DDB1: variants seen among roughly 807,000 people sequenced by gnomAD.
DDB1 encodes damage specific DNA binding protein 1.
DDB1 carries 18 observed loss-of-function variants against 133.1 expected under a neutral mutation model. That is an observed-to-expected ratio of 0.14 (90% CI 0.09 to 0.20). DDB1 has a LOEUF of 0.20. Among genes scored for constraint, DDB1 ranks in the 10% least tolerant of loss-of-function variants. The pLI, the probability that DDB1 is intolerant of heterozygous loss-of-function variation, is 1.00. For synonymous variants in DDB1, 580 were observed against 550.5 expected (o/e 1.05, Z -0.75); for missense variants, 828 against 1,459.2 (o/e 0.57, Z 7.05).
At chr11:61,322,877 TA>T in intron 8 of DDB1, 133 bp downstream of exon 8, 1 of 746,446 alleles carries the variant, frequency 1.3e-6, no homozygotes, top group South Asian at 1.9e-5. Context: ...GATGTTAAAT[TA>T]ACCAAGTAGA....
At chr11:61,302,817 C>T in intron 23 of DDB1, 66 bp from the exon 24 acceptor site, 2 of 1,594,684 alleles carry the variant, frequency 1.3e-6, no homozygotes, top group Non-Finnish European at 1.7e-6. Context: ...GAGACAGGAC[C>T]ACGTGCAGTG....
At chr11:61,322,910 G>A (rs1266320528) in intron 8 of DDB1, 101 bp downstream of exon 8, 5 of 914,686 alleles carry the variant, frequency 5.5e-6, no homozygotes, top group Non-Finnish European at 8.3e-6. Flanking sequence ...TAGGGATGTG[G>A]ATAAAATGGA....
chr11:61,317,731 C>T (rs1016957990), intron 10 of DDB1, among the ~76,000 whole-genome samples: 7 of 152,188 alleles, frequency 4.6e-5, no homozygotes. Flanking sequence ...TGGTCTCGAT[C>T]TCCTGACCTC....
chr11:61,323,873 A>G, intron 7 of DDB1, 106 bp downstream of exon 7: 1 of 1,243,942 alleles, frequency 8.0e-7, no homozygotes, highest in Non-Finnish European at 1.2e-6. Flanking sequence ...GTTTGTTGTT[A>G]GGTGTTAAGT....
rs1855945140 is a variant in DDB1 at position 61,310,422 on chromosome 11, C to T, written c.2278-4G>A. 2.5e-6 allele frequency: 4 copies of T among 1,594,488 alleles called. No individual in the cohort carries two copies. The highest frequency in any genetic ancestry group is 2.6e-6 in the Non-Finnish European group (3 of 1,172,472). On this transcript the variant is annotated splice_region_variant and splice_polypyrimidine_tract_variant and intron_variant, in intron 18 of 26. Coordinates refer to ENST00000301764, the MANE Select transcript of DDB1 (RefSeq NM_001923.5). ...AGCTTACACTGCTGGACAGAGCCTG[C>T]AAACAGAGAGAATGCACATCATCCT...
At chr11:61,324,353 AAT>A in intron 6 of DDB1, 1 of 523,228 alleles carries the variant, frequency 1.9e-6, no homozygotes, top group Non-Finnish European at 3.4e-6. Flanking sequence ...GCGCTCCATC[AAT>A]ATATCTTATA....
At position 61,323,068 on chromosome 11, in the gene DDB1, G is replaced by A. The variant is rs201160964; in HGVS notation, c.948C>T (p.Tyr316=). 6 of 1,614,002 alleles carry A rather than the reference G, an allele frequency of 3.7e-6. No individual in the cohort carries two copies. In the East Asian group the frequency reaches 1.3e-4, roughly 36 times the overall value. ...GETSIAECLT[Y]LDNGVVFVGS... ...CGACAAACACAACACCATTATCAAG[G>A]TATGTCAAGCACTCAGCAATAGAGG... Residue 316 remains tyrosine (Y), a synonymous_variant, in exon 8 of 27, where the codon TAC becomes TAT. Transcript: ENST00000301764.
intron 10 of DDB1, among the ~76,000 whole-genome samples, chr11:61,316,941 G>GGATAGATA (rs1241889144): frequency 2.1e-4 from 4 of 19,356 alleles, no homozygotes; most frequent in Non-Finnish European, 3.0e-4. Context: ...AAAAAAAAAA[G>GGATAGATA]GATAGATATA....
chr11:61,328,877 AT>A (rs1856316623), intron 4 of DDB1, among the ~76,000 whole-genome samples: 2 of 152,162 alleles, frequency 1.3e-5, no homozygotes, highest in Non-Finnish European at 2.9e-5. Context: ...CTCAAAAAAA[AT>A]AATAAAATAA....
chr11:61,324,251 G>A (rs1856233675), intron 6 of DDB1, 114 bp from the exon 7 acceptor site: 6 of 1,118,862 alleles, frequency 5.4e-6, no homozygotes, highest in Admixed American at 2.0e-5. Context: ...CAGACAAATC[G>A]CTCAGATAAC....
intron 9 of DDB1, 176 bp downstream of exon 9, chr11:61,322,120 C>A (rs1018521926): frequency 1.5e-6 from 1 of 645,188 alleles, no homozygotes; most frequent in Admixed American, 2.4e-5. Flanking sequence ...ATATAAAGTG[C>A]CTGGCAGACC....
At chr11:61,320,665 C>T (rs1252456170) in intron 10 of DDB1, among the ~76,000 whole-genome samples, 2 of 152,146 alleles carry the variant, frequency 1.3e-5, no homozygotes, top group Non-Finnish European at 2.9e-5. Context: ...GCTAGGACTA[C>T]AGTCACACGC....
In DDB1 at chr11:61,309,983, C is replaced by T. The variant is rs368233386; in HGVS notation, c.2402-23G>A. On this transcript the variant is annotated intron_variant, in intron 19 of 26. Transcript: ENST00000301764. ...GCACTAGAGAGTAGAGAGATGACTACGTGATGACAGGTTACCCATATCTGC... is the reference window on the plus strand; with the variant it reads ...GCACTAGAGAGTAGAGAGATGACTATGTGATGACAGGTTACCCATATCTGC... The T allele has an allele frequency of 2.7e-5, 44 of 1,614,056 alleles. No homozygotes were observed. In the African/African-American group the frequency reaches 4.4e-4, roughly 16 times the overall value.
intron 2 of DDB1, among the ~76,000 whole-genome samples, chr11:61,331,085 T>C (rs1329056209): frequency 1.3e-5 from 2 of 152,180 alleles, no homozygotes; most frequent in African/African-American, 2.4e-5. Context: ...AAGTCAGAAT[T>C]AACAAGAAAT....
intron 21 of DDB1, among the ~76,000 whole-genome samples, chr11:61,305,671 C>T (rs1419083499): frequency 6.6e-6 from 1 of 152,042 alleles, no homozygotes; most frequent in Non-Finnish European, 1.5e-5. Flanking sequence ...TTCCTGCCAA[C>T]ACCTGCCACC....
At chr11:61,308,380 C>T (rs1049454806) in intron 21 of DDB1, among the ~76,000 whole-genome samples, 4 of 152,174 alleles carry the variant, frequency 2.6e-5, no homozygotes, top group Non-Finnish European at 4.4e-5. Flanking sequence ...AACAGCAAAC[C>T]CCACTTCCCA....
chr11:61,303,261 G>C (rs1855829009), intron 22 of DDB1, 106 bp from the exon 23 acceptor site: 2 of 971,230 alleles, frequency 2.1e-6, no homozygotes, highest in South Asian at 1.4e-5. Flanking sequence ...CCACCCTGCA[G>C]AAGATATAGC....
intron 10 of DDB1, among the ~76,000 whole-genome samples, chr11:61,317,411 CA>C (rs1178324016): frequency 1.3e-5 from 2 of 151,972 alleles, no homozygotes; most frequent in East Asian, 3.9e-4. Context: ...CACGCCGGGC[CA>C]AAAGTTAGAT....
chr11:61,320,494 C>A (rs765910938), intron 10 of DDB1, among the ~76,000 whole-genome samples: 6 of 152,182 alleles, frequency 3.9e-5, no homozygotes, highest in Admixed American at 1.3e-4. Flanking sequence ...AGGCAACATG[C>A]CTGGCCATAC....
Sources: allele counts gnomAD v4.1 joint callset (sites outside exome capture counted in the v4.1 genomes callset), GRCh38; gene constraint gnomAD v4.1.1; transcripts MANE v1.5; gene names NCBI Gene and HGNC (gene_info 2026-07-23, HGNC 2026-07-21).